RPH3A: variants seen among roughly 807,000 people sequenced by gnomAD.
RPH3A encodes rabphilin-3A.
In RPH3A, 48 loss-of-function variants were observed where a neutral mutation model predicts 102.2. The observed-to-expected ratio is 0.47, with a 90% CI of 0.37 to 0.60. The LOEUF is 0.60. RPH3A is among the 20% of genes least tolerant of loss of function. The pLI is 0.00. For synonymous variants in RPH3A, 310 were observed against 324.3 expected, an observed-to-expected ratio of 0.96 and a Z score of 0.47; for missense variants, 781 against 910.1, an observed-to-expected ratio of 0.86 and a Z score of 1.83.
intron 1 of RPH3A, among the ~76,000 whole-genome samples, chr12:112,710,353 A>G (rs1283317112): frequency 6.6e-6 from 1 of 152,050 alleles, no homozygotes; most frequent in Non-Finnish European, 1.5e-5. Context: ...GCAAACTGGG[A>G]CTGTTGATTT....
At chr12:112,719,595 A>G (rs2040538379) in intron 1 of RPH3A, among the ~76,000 whole-genome samples, 2 of 152,220 alleles carry the variant, frequency 1.3e-5, no homozygotes, top group Admixed American at 1.3e-4. Flanking sequence ...TATCTTGCTT[A>G]TCATCATAGC....
intron 1 of RPH3A, among the ~76,000 whole-genome samples, chr12:112,624,237 CA>C (rs1467474788): frequency 1.4e-5 from 2 of 147,602 alleles, no homozygotes; most frequent in East Asian, 2.0e-4. Flanking sequence ...AATAGAGACA[CA>C]AAAAACCCTT....
At chr12:112,694,100 G>A (rs937661609) in intron 1 of RPH3A, among the ~76,000 whole-genome samples, 10 of 152,200 alleles carry the variant, frequency 6.6e-5, no homozygotes, top group South Asian at 2.1e-4. Flanking sequence ...CCCTCTCAGC[G>A]CTGCCGCTGC....
At chr12:112,885,870 T>C (rs1244887432) in intron 16 of RPH3A, among the ~76,000 whole-genome samples, 1 of 152,244 alleles carries the variant, frequency 6.6e-6, no homozygotes, top group Non-Finnish European at 1.5e-5. Context: ...CTTCTAACTA[T>C]TTTTTGGACC....
chr12:112,639,782 T>C (rs2039873535), intron 1 of RPH3A, among the ~76,000 whole-genome samples: 1 of 152,090 alleles, frequency 6.6e-6, no homozygotes, highest in African/African-American at 2.4e-5. Flanking sequence ...GACTGACACC[T>C]TTATCACAGG....
chr12:112,885,405 G>A (rs2042987954), intron 16 of RPH3A, among the ~76,000 whole-genome samples: 2 of 152,172 alleles, frequency 1.3e-5, no homozygotes, highest in Non-Finnish European at 2.9e-5. Context: ...GTGCACTGGT[G>A]TTGCGTTGTG....
intron 1 of RPH3A, among the ~76,000 whole-genome samples, chr12:112,720,853 A>G (rs1172058526): frequency 6.6e-6 from 1 of 152,142 alleles, no homozygotes; most frequent in African/African-American, 2.4e-5. Context: ...TGTGGGAGGA[A>G]CTCAAAGTTA....
chr12:112,846,295 G>A (rs1330267084), intron 4 of RPH3A, among the ~76,000 whole-genome samples: 1 of 152,208 alleles, frequency 6.6e-6, no homozygotes, highest in Non-Finnish European at 1.5e-5. Flanking sequence ...GGAGAGTTCT[G>A]AGCAAGGGGT....
intron 5 of RPH3A, among the ~76,000 whole-genome samples, chr12:112,854,702 C>G (rs776866896): frequency 2.0e-5 from 3 of 152,236 alleles, no homozygotes; most frequent in Non-Finnish European, 4.4e-5. Context: ...AATGTCCTCA[C>G]TGAGAGACAG....
intron 2 of RPH3A, among the ~76,000 whole-genome samples, chr12:112,819,409 G>C (rs2041737949): frequency 6.6e-6 from 1 of 152,078 alleles, no homozygotes. Context: ...GCCTGATTAA[G>C]AATAGGAATT....
intron 19 of RPH3A, chr12:112,893,968 T>C (rs971592395): frequency 6.6e-6 from 1 of 152,472 alleles, no homozygotes; most frequent in Non-Finnish European, 1.5e-5. Flanking sequence ...GTGAGGAGGA[T>C]GGCATAAGGT....
chr12:112,879,761 T>C (rs1479717610), intron 14 of RPH3A, among the ~76,000 whole-genome samples: 5 of 152,090 alleles, frequency 3.3e-5, no homozygotes, highest in East Asian at 1.9e-4. Context: ...CAGAAAGTAA[T>C]TGACTAGGAT....
chr12:112,862,044 T>C (rs751538165), intron 5 of RPH3A, among the ~76,000 whole-genome samples: 2 of 148,758 alleles, frequency 1.3e-5, no homozygotes, highest in African/African-American at 2.5e-5. Flanking sequence ...AGGATATCCC[T>C]GTGGAGGGCT....
intron 1 of RPH3A, among the ~76,000 whole-genome samples, chr12:112,776,472 A>G (rs1468023708): frequency 6.6e-6 from 1 of 152,042 alleles, no homozygotes; most frequent in Non-Finnish European, 1.5e-5. Flanking sequence ...CCTGGTTAGG[A>G]AGCCTTGGTT....
At chr12:112,580,394 CT>C (rs773931202) in intron 1 of RPH3A, among the ~76,000 whole-genome samples, 7,320 of 76,742 alleles carry the variant, frequency 0.095, 132 homozygotes, top group South Asian at 0.21. Context: ...TTTGTCTTGT[CT>C]TTTTTTTTTT....
intron 1 of RPH3A, among the ~76,000 whole-genome samples, chr12:112,651,482 C>G (rs1328687540): frequency 6.6e-6 from 1 of 152,212 alleles, no homozygotes; most frequent in Non-Finnish European, 1.5e-5. Context: ...ATTATATTAT[C>G]TTGGTACGTT....
intron 1 of RPH3A, among the ~76,000 whole-genome samples, chr12:112,610,246 T>C (rs2039628605): frequency 6.6e-6 from 1 of 152,178 alleles, no homozygotes; most frequent in African/African-American, 2.4e-5. Context: ...CTCATGCCTA[T>C]AATCCCAGCA....
At chr12:112,885,194 C>T (rs1346771459) in intron 16 of RPH3A, among the ~76,000 whole-genome samples, 2 of 152,182 alleles carry the variant, frequency 1.3e-5, no homozygotes, top group Non-Finnish European at 2.9e-5. Context: ...TTTCTAGGTG[C>T]ACAGGTGCAC....
chr12:112,817,400 A>G (rs1317011314), intron 2 of RPH3A, among the ~76,000 whole-genome samples: 4 of 151,914 alleles, frequency 2.6e-5, no homozygotes, highest in Admixed American at 1.3e-4. Context: ...CACACACCCC[A>G]GCTCAGCCTT....
Sources: allele counts gnomAD v4.1 joint callset (sites outside exome capture counted in the v4.1 genomes callset), GRCh38; gene constraint gnomAD v4.1.1; transcripts MANE v1.5; gene names NCBI Gene and HGNC (gene_info 2026-07-23, HGNC 2026-07-21).